KIF4A: variants seen among roughly 807,000 people sequenced by gnomAD.
KIF4A encodes kinesin family member 4A, also known as chromosome-associated kinesin KIF4A.
In KIF4A, 7 loss-of-function variants were observed where a neutral mutation model predicts 105.9. The observed-to-expected ratio is 0.07, with a 90% CI of 0.04 to 0.12. KIF4A has a LOEUF of 0.12. KIF4A is among the 10% of genes least tolerant of loss of function. The probability of loss-of-function intolerance (pLI) is 1.00; values close to 1 mark genes in which losing one functional copy is unlikely to be tolerated. For synonymous variants in KIF4A, 281 were observed against 331.3 expected, an observed-to-expected ratio of 0.85 and a Z score of 1.65; for missense variants, 558 against 929.2, an observed-to-expected ratio of 0.60 and a Z score of 5.19.
chrX:70,332,215 G>A (rs965224735), intron 9 of KIF4A, among the ~76,000 whole-genome samples: 8 of 112,123 alleles, frequency 7.1e-5, no homozygotes, highest in Non-Finnish European at 1.5e-4. Flanking sequence ...TAAGGAGAAT[G>A]TAAGTAAGAA....
chrX:70,311,586 C>T (rs1361663791), intron 7 of KIF4A, among the ~76,000 whole-genome samples: 1 of 111,817 alleles, frequency 8.9e-6, no homozygotes, highest in East Asian at 2.8e-4. Context: ...CTTTCTCCCT[C>T]TGATATTATT....
chrX:70,328,630 A>G (rs1659794838), intron 7 of KIF4A, among the ~76,000 whole-genome samples: 1 of 111,957 alleles, frequency 8.9e-6, no homozygotes, highest in African/African-American at 3.2e-5. Context: ...GCCTCATTTT[A>G]TAAAGGAACT....
chrX:70,414,551 A>G (rs1235084400), intron 28 of KIF4A, among the ~76,000 whole-genome samples: 1 of 112,260 alleles, frequency 8.9e-6, no homozygotes, highest in African/African-American at 3.2e-5. Flanking sequence ...AAATTGGTGT[A>G]TAGTCAAGGT....
chrX:70,389,777 G>A, intron 20 of KIF4A, among the ~76,000 whole-genome samples: 1 of 111,006 alleles, frequency 9.0e-6, no homozygotes, highest in Non-Finnish European at 1.9e-5. Flanking sequence ...AGTCTTGAAT[G>A]CAGTTGCTTT....
chrX:70,292,927 CAA>C (rs2147655648), intron 3 of KIF4A, among the ~76,000 whole-genome samples: 1 of 112,285 alleles, frequency 8.9e-6, no homozygotes, highest in African/African-American at 3.2e-5. Flanking sequence ...GTTGCAAAAA[CAA>C]AGTCAATATT....
In KIF4A at chrX:70,396,185, C is replaced by T. The variant is rs116229891; in HGVS notation, c.2489+136C>T. ...ATAACAATTTTTTTTAAACCAGACA[C>T]TGTACTAGGTATCTTAGATACATTT... On this transcript the variant is annotated intron_variant, in intron 22 of 30. Coordinates refer to ENST00000374403, the MANE Select transcript of KIF4A (RefSeq NM_012310.5). 1,360 of 445,323 alleles carry T rather than the reference C, an allele frequency of 3.1e-3. 15 individuals are homozygous for T. Among genetic ancestry groups the T allele is most frequent in the African/African-American group, 0.029 (1,175 of 40,639 alleles). The allele number at this position is 445,323 out of a possible 1,213,427, so 36.7% of individuals were successfully genotyped here.
chrX:70,389,412 C>T (rs1282760906), intron 20 of KIF4A, among the ~76,000 whole-genome samples: 1 of 111,670 alleles, frequency 9.0e-6, no homozygotes, highest in East Asian at 2.8e-4. Flanking sequence ...ACTAAAAATA[C>T]AAAAAATTAG....
At chrX:70,318,001 C>T (rs911176141) in intron 7 of KIF4A, among the ~76,000 whole-genome samples, 2 of 110,003 alleles carry the variant, frequency 1.8e-5, no homozygotes, top group Admixed American at 9.6e-5. Flanking sequence ...CCTCAGCCTC[C>T]CAAGTAGCTG....
intron 15 of KIF4A, among the ~76,000 whole-genome samples, chrX:70,368,375 G>T (rs2086114700): frequency 1.8e-5 from 2 of 111,889 alleles, no homozygotes; most frequent in African/African-American, 6.5e-5. Flanking sequence ...CCACCTTTGT[G>T]GTTTTTATCT....
intron 20 of KIF4A, among the ~76,000 whole-genome samples, 157 bp from the exon 21 acceptor site, chrX:70,395,514 G>T: frequency 9.0e-6 from 1 of 111,642 alleles, no homozygotes; most frequent in Non-Finnish European, 1.9e-5. Flanking sequence ...GGCTCTTCGA[G>T]AGGTACTGAC....
At chrX:70,418,060 C>T in intron 29 of KIF4A, 56 bp downstream of exon 29, 1 of 997,519 alleles carries the variant, frequency 1.0e-6, no homozygotes. Context: ...CTAGTTTCCA[C>T]CCTCTTTTTC....
rs1193846485 is a variant in KIF4A at position 70,343,862 on chromosome X, T to C, written c.1326-15T>C. The C allele has an allele frequency of 8.3e-7, 1 of 1,203,651 alleles. No homozygotes were observed. Reference sequence around the variant, plus strand: ...ATATGAATAACCCTTGGGTTCTTTTTGTTTGAATTTTCAGCTGCAAACTGG... The same window carrying C: ...ATATGAATAACCCTTGGGTTCTTTTCGTTTGAATTTTCAGCTGCAAACTGG... On this transcript the variant is annotated splice_polypyrimidine_tract_variant and intron_variant, in intron 12 of 30. Transcript: ENST00000374403.
chrX:70,323,810 ATATTTATTTATT>A (rs34799069), intron 7 of KIF4A, among the ~76,000 whole-genome samples: 59 of 94,613 alleles, frequency 6.2e-4, no homozygotes, highest in East Asian at 1.0e-3. Context: ...CTGGCATTTA[ATATTTATTTATT>A]TATTTATTTA....
intron 15 of KIF4A, among the ~76,000 whole-genome samples, chrX:70,365,225 A>G (rs1193494789): frequency 9.0e-6 from 1 of 111,149 alleles, no homozygotes; most frequent in African/African-American, 3.3e-5. Context: ...CTAATTGAAT[A>G]CTCTTCATTT....
chrX:70,359,459 C>CT, intron 15 of KIF4A, among the ~76,000 whole-genome samples: 1 of 106,724 alleles, frequency 9.4e-6, no homozygotes, highest in Non-Finnish European at 1.9e-5. Context: ...CTCTCTCTTT[C>CT]TTTCTTTCTT....
chrX:70,324,200 T>G (rs768529725), intron 7 of KIF4A, among the ~76,000 whole-genome samples: 1 of 112,255 alleles, frequency 8.9e-6, no homozygotes, highest in South Asian at 3.7e-4. Context: ...TTTTGACAAA[T>G]GCATTTACCC....
chrX:70,406,187 G>T, intron 26 of KIF4A, 72 bp from the exon 27 acceptor site: 3 of 861,704 alleles, frequency 3.5e-6, no homozygotes, highest in Non-Finnish European at 5.1e-6. Flanking sequence ...CCTAGGTCTG[G>T]TATCTGTTTT....
At chrX:70,396,088 G>A (rs775483844) in intron 22 of KIF4A, 39 bp downstream of exon 22, 3 of 980,001 alleles carry the variant, frequency 3.1e-6, no homozygotes, top group African/African-American at 3.9e-5. Flanking sequence ...AAAAATTTAT[G>A]CCTGGAATCA....
intron 7 of KIF4A, among the ~76,000 whole-genome samples, chrX:70,316,363 G>A (rs998234322): frequency 2.7e-5 from 3 of 110,980 alleles, no homozygotes; most frequent in Non-Finnish European, 5.7e-5. Flanking sequence ...TTTAGTCAGT[G>A]TGAGTGCTGT....
Sources: gnomAD v4.1 joint callset for allele counts (sites outside exome capture counted in the v4.1 genomes callset) on GRCh38, gnomAD v4.1.1 for gene constraint, MANE v1.5 for transcripts, NCBI Gene and HGNC (gene_info 2026-07-23, HGNC 2026-07-21) for gene names.